The following LPAR6 variants were observed in gnomAD, a reference collection of about 807,000 sequenced individuals.
LPAR6 encodes lysophosphatidic acid receptor 6, also known as G-protein coupled purinergic receptor P2Y5.
In LPAR6, 17 loss-of-function variants were observed where a neutral mutation model predicts 22.0. The observed-to-expected ratio is 0.77, with a 90% CI of 0.53 to 1.16. The LOEUF is 1.16. Ranked by LOEUF, LPAR6 falls within the 50% of genes most tolerant of loss-of-function variation. The pLI is 0.00. For synonymous variants in LPAR6, 136 were observed against 139.8 expected (o/e 0.97, Z 0.19); for missense variants, 384 against 406.9 (o/e 0.94, Z 0.48).
downstream of LPAR6, among the ~76,000 whole-genome samples, chr13:48,406,403 AG>A (rs1948740253): frequency 6.6e-6 from 1 of 152,222 alleles, no homozygotes; most frequent in Non-Finnish European, 1.5e-5. Flanking sequence ...ATTTTAATAA[AG>A]GAAAAAGGAC....
Position 48,412,658 on chromosome 13 carries a change from A to G in LPAR6, c.-235T>C. 3.6e-6 allele frequency: 2 copies of G among 558,618 alleles called. No individual in the cohort carries two copies. Among genetic ancestry groups the G allele is most frequent in the Non-Finnish European group, 6.6e-6 (2 of 304,494 alleles). 34.6% of individuals were successfully genotyped at this position (558,618 alleles called of 1,614,324 possible). ...AAAATATTTTCATTTGTTAGTCTTT[A>G]GAAAATCCATGAATTCCAAGGCTCA... On this transcript the variant is annotated 5_prime_UTR_variant, in exon 1 of 1. Coordinates refer to ENST00000620633, the MANE Select transcript of LPAR6 (RefSeq NM_001162498.3).
chr13:48,393,143 C>T lies in LPAR6; in HGVS notation n.115-3331G>A, dbSNP rs575251084. Among the ~76,000 whole-genome samples, 4 of 152,296 alleles carry T rather than the reference C, an allele frequency of 2.6e-5. No homozygotes were observed. The South Asian group carries it at 8.3e-4, about 32-fold the overall frequency. ...TGTGTCAGCTCCTGGAAGGATTCTACTCCTTCCCATGGTTCTTCCCTGGTT... is the reference window on the plus strand; with the variant it reads ...TGTGTCAGCTCCTGGAAGGATTCTATTCCTTCCCATGGTTCTTCCCTGGTT... On this transcript the variant is annotated intron_variant and non_coding_transcript_variant, in intron 1 of 1. Coordinates refer to the LPAR6 transcript ENST00000462781.
intron 2 of LPAR6, among the ~76,000 whole-genome samples, chr13:48,418,796 A>G (rs1288127032): frequency 2.0e-5 from 3 of 152,178 alleles, no homozygotes; most frequent in African/African-American, 7.2e-5. Context: ...CAAGAAGGGC[A>G]TTACATAATG....
At chr13:48,413,513 G>A (rs532545228), upstream of LPAR6, among the ~76,000 whole-genome samples, 6 of 152,256 alleles carry the variant, frequency 3.9e-5, no homozygotes, top group South Asian at 2.1e-4. Flanking sequence ...TCTTAACATA[G>A]CATTTCAAAG....
chr13:48,436,027 AAGACACGAATATGT>A, intron 1 of LPAR6, among the ~76,000 whole-genome samples: 1 of 152,226 alleles, frequency 6.6e-6, no homozygotes, highest in African/African-American at 2.4e-5. Flanking sequence ...TGTAAATATA[AAGACACGAATATGT>A]TAAAAGGATG....
Position 48,437,903 on chromosome 13 carries a change from G to A in LPAR6, c.-1474+6650C>T, listed in dbSNP as rs1003295688. Among the ~76,000 whole-genome samples the A allele has an allele frequency of 3.3e-5, 5 of 152,256 alleles. No individual in the cohort carries two copies. In the East Asian group the frequency reaches 9.6e-4, roughly 29 times the overall value. ...ATTGGGGTGATCTTGGAGGCTGGCTGCCATAGTTATGACTTAGTGTCAATT... is the reference window on the plus strand; with the variant it reads ...ATTGGGGTGATCTTGGAGGCTGGCTACCATAGTTATGACTTAGTGTCAATT... On this transcript the variant is annotated intron_variant, in intron 1 of 6. Coordinates refer to the LPAR6 transcript ENST00000378434.
intron 2 of LPAR6, among the ~76,000 whole-genome samples, chr13:48,420,100 G>A (rs1010096925): frequency 6.6e-6 from 1 of 152,092 alleles, no homozygotes; most frequent in East Asian, 1.9e-4. Flanking sequence ...GAAAATTTCG[G>A]CCAATATCCT....
At chr13:48,438,672 T>G (rs1949207309) in intron 1 of LPAR6, among the ~76,000 whole-genome samples, 1 of 152,176 alleles carries the variant, frequency 6.6e-6, no homozygotes, top group African/African-American at 2.4e-5. Context: ...ACTGGACAAT[T>G]TACTCCTTGT....
At chr13:48,390,383 G>C (rs1050808365) in intron 1 of LPAR6, among the ~76,000 whole-genome samples, 3 of 152,100 alleles carry the variant, frequency 2.0e-5, no homozygotes, top group African/African-American at 7.2e-5. Flanking sequence ...TGTATTTTAA[G>C]AAATGATCTT....
intron 1 of LPAR6, chr13:48,391,349 G>A (rs1429034273): frequency 6.6e-6 from 1 of 152,148 alleles, no homozygotes; most frequent in Non-Finnish European, 1.5e-5. Flanking sequence ...ATCTCTTAAA[G>A]AGAATTCAAA....
At chr13:48,407,264 C>T (rs1009381078), downstream of LPAR6, among the ~76,000 whole-genome samples, 2 of 152,164 alleles carry the variant, frequency 1.3e-5, no homozygotes, top group African/African-American at 4.8e-5. Context: ...GGGGCTCTAT[C>T]TTTTGAATTC....
chr13:48,440,753 ACTTG>A (rs1397405742), intron 1 of LPAR6, among the ~76,000 whole-genome samples: 1 of 152,208 alleles, frequency 6.6e-6, no homozygotes, highest in Non-Finnish European at 1.5e-5. Context: ...CATCTCTTAT[ACTTG>A]CTTAACTTTT....
chr13:48,421,898 A>T (rs1255126236), intron 2 of LPAR6, among the ~76,000 whole-genome samples: 1 of 152,170 alleles, frequency 6.6e-6, no homozygotes, highest in Admixed American at 6.5e-5. Context: ...GGAGAATAGG[A>T]ATGCTTTTAC....
At chr13:48,440,795 A>G (rs1350193309) in intron 1 of LPAR6, among the ~76,000 whole-genome samples, 2 of 152,218 alleles carry the variant, frequency 1.3e-5, no homozygotes, top group African/African-American at 4.8e-5. Context: ...TATTCATAAT[A>G]AATAGAAAAT....
intron 1 of LPAR6, among the ~76,000 whole-genome samples, chr13:48,395,150 A>G (rs187904771): frequency 1.0e-3 from 153 of 152,332 alleles, no homozygotes; most frequent in Middle Eastern, 3.4e-3. Flanking sequence ...CCTGCAGCAG[A>G]GGGGCCTGAC....
At position 48,411,169 on chromosome 13, in the gene LPAR6, C is replaced by G. The variant is rs4151550; in HGVS notation, c.*220G>C. On this transcript the variant is annotated 3_prime_UTR_variant, in exon 1 of 1. Transcript: ENST00000620633. ...TAAGAGATTTTTTTTAATGAAGGAA[C>G]AAATCAAAATGGCTCAGAAAAATCA... 1,619 of 436,986 alleles carry G rather than the reference C, an allele frequency of 3.7e-3. 21 individuals are homozygous for G. Among genetic ancestry groups the G allele is most frequent in the African/African-American group, 0.03 (1,512 of 50,866 alleles). The allele number at this position is 436,986 out of a possible 1,614,324, so 27.1% of individuals were successfully genotyped here.
At chr13:48,398,504 T>C (rs1376135886) in intron 1 of LPAR6, among the ~76,000 whole-genome samples, 1 of 151,960 alleles carries the variant, frequency 6.6e-6, no homozygotes, top group Non-Finnish European at 1.5e-5. Context: ...AATAGTTTGA[T>C]AGAGTCCTGT....
intron 1 of LPAR6, among the ~76,000 whole-genome samples, chr13:48,440,444 A>T (rs1005509756): frequency 6.6e-6 from 1 of 152,194 alleles, no homozygotes; most frequent in Admixed American, 6.5e-5. Context: ...CTTATGTACA[A>T]ATAGCTAATG....
At chr13:48,398,005 G>C (rs867560253) in intron 1 of LPAR6, among the ~76,000 whole-genome samples, 2 of 152,142 alleles carry the variant, frequency 1.3e-5, no homozygotes, top group Admixed American at 1.3e-4. Context: ...TACAACTCAG[G>C]AAGGCAAGTG....
Sources: allele counts gnomAD v4.1 joint callset (sites outside exome capture counted in the v4.1 genomes callset), GRCh38; gene constraint gnomAD v4.1.1; transcripts MANE v1.5; gene names NCBI Gene and HGNC (gene_info 2026-07-23, HGNC 2026-07-21).